Variants in SAMD5 observed in about 807,000 individuals in gnomAD.
SAMD5 encodes sterile alpha motif domain containing 5, also known as sterile alpha motif domain-containing protein 5.
In SAMD5, 13 loss-of-function variants were observed where a neutral mutation model predicts 11.3. The observed-to-expected ratio is 1.15, with a 90% CI of 0.75 to 1.83. The LOEUF (loss-of-function observed/expected upper bound fraction) is 1.83. Among genes scored for constraint, SAMD5 ranks in the 40% most tolerant of loss-of-function variants. The pLI is 0.00. For synonymous variants in SAMD5, 129 were observed against 111.3 expected, an observed-to-expected ratio of 1.16 and a Z score of -1.00; for missense variants, 255 against 239.1, an observed-to-expected ratio of 1.07 and a Z score of -0.44.
At chr6:147,930,493 A>C in the SAMD5 span, among the ~76,000 whole-genome samples, 1 of 152,288 alleles carries the variant, frequency 6.6e-6, no homozygotes, top group East Asian at 1.9e-4. Context: ...TATATAAAGA[A>C]AGGGAATTTA....
the SAMD5 span, among the ~76,000 whole-genome samples, chr6:147,905,369 A>C: frequency 6.6e-6 from 1 of 150,624 alleles, no homozygotes; most frequent in Non-Finnish European, 1.5e-5. Flanking sequence ...TATAGTAGAA[A>C]CAGGATTTGC....
chr6:147,795,232 C>G, the SAMD5 span, among the ~76,000 whole-genome samples: 7 of 125,976 alleles, frequency 5.6e-5, no homozygotes, highest in Non-Finnish European at 9.7e-5. Context: ...CACCCCACAA[C>G]AGTCCCCAGA....
chr6:147,904,526 T>C, the SAMD5 span, among the ~76,000 whole-genome samples: 1 of 152,178 alleles, frequency 6.6e-6, no homozygotes. Flanking sequence ...ACCATTACAG[T>C]GTGGGTCTGT....
At chr6:147,621,847 G>A (rs918605764) in intron 1 of SAMD5, among the ~76,000 whole-genome samples, 2 of 151,490 alleles carry the variant, frequency 1.3e-5, no homozygotes, top group South Asian at 4.2e-4. Context: ...ATTGAGCTTG[G>A]AACCAACTGG....
At chr6:147,909,928 G>A in the SAMD5 span, among the ~76,000 whole-genome samples, 1 of 152,050 alleles carries the variant, frequency 6.6e-6, no homozygotes, top group African/African-American at 2.4e-5. Context: ...TGTTCGTGTG[G>A]ACCCGGAGCA....
the SAMD5 span, among the ~76,000 whole-genome samples, chr6:147,890,203 T>C: frequency 4.4e-4 from 67 of 151,866 alleles, 1 homozygote; most frequent in Middle Eastern, 0.01. Flanking sequence ...CTATTAAAAA[T>C]AAACAAAACA....
At chr6:147,551,485 AC>A (rs141232792) in intron 1 of SAMD5, among the ~76,000 whole-genome samples, 1,643 of 152,260 alleles carry the variant, frequency 0.011, 31 homozygotes, top group African/African-American at 0.037. Context: ...CTAAGCACTT[AC>A]CATGCGAGTG....
chr6:147,916,954 CATT>C, the SAMD5 span, among the ~76,000 whole-genome samples: 4 of 149,506 alleles, frequency 2.7e-5, no homozygotes, highest in South Asian at 8.6e-4. Flanking sequence ...TCTAGTCTAT[CATT>C]GTTGGACATT....
intron 1 of SAMD5, among the ~76,000 whole-genome samples, chr6:147,521,668 C>A (rs1009102967): frequency 1.3e-5 from 2 of 151,932 alleles, no homozygotes; most frequent in African/African-American, 4.8e-5. Flanking sequence ...TGTAAAGGGC[C>A]TCATATAATG....
chr6:147,858,456 G>A, the SAMD5 span, among the ~76,000 whole-genome samples: 3 of 152,176 alleles, frequency 2.0e-5, no homozygotes, highest in African/African-American at 7.2e-5. Flanking sequence ...TAGGGCCACT[G>A]GAGGCACCTG....
chr6:147,689,114 A>T (rs1791062973), intron 1 of SAMD5, among the ~76,000 whole-genome samples: 1 of 152,148 alleles, frequency 6.6e-6, no homozygotes, highest in Non-Finnish European at 1.5e-5. Flanking sequence ...AGTAGAGTTT[A>T]TTGAAAGTCC....
At chr6:147,927,665 C>T in the SAMD5 span, among the ~76,000 whole-genome samples, 1 of 152,168 alleles carries the variant, frequency 6.6e-6, no homozygotes, top group Non-Finnish European at 1.5e-5. Flanking sequence ...ATTTCTTTCT[C>T]TTTCCTGATT....
the SAMD5 span, among the ~76,000 whole-genome samples, chr6:147,835,238 A>C: frequency 2.0e-5 from 3 of 150,568 alleles, no homozygotes; most frequent in Non-Finnish European, 4.4e-5. Flanking sequence ...ATCTTAAAAA[A>C]AAAAAAAACA....
At chr6:147,869,842 T>C in the SAMD5 span, among the ~76,000 whole-genome samples, 1 of 151,928 alleles carries the variant, frequency 6.6e-6, no homozygotes, top group Non-Finnish European at 1.5e-5. Context: ...GGACCACAGG[T>C]GCTCACCACT....
chr6:147,698,663 A>G (rs1791212660), intron 1 of SAMD5, among the ~76,000 whole-genome samples: 1 of 152,222 alleles, frequency 6.6e-6, no homozygotes, highest in African/African-American at 2.4e-5. Context: ...TCCCCAGCAG[A>G]CAGGCTAGAA....
intron 1 of SAMD5, among the ~76,000 whole-genome samples, chr6:147,673,259 GCA>G (rs1207495774): frequency 2.3e-4 from 35 of 151,824 alleles, no homozygotes; most frequent in Non-Finnish European, 4.4e-4. Context: ...TGTTGCCCAG[GCA>G]GGAGTGCAGT....
intron 1 of SAMD5, among the ~76,000 whole-genome samples, chr6:147,558,974 G>A (rs1788902447): frequency 6.6e-6 from 1 of 151,958 alleles, no homozygotes; most frequent in Non-Finnish European, 1.5e-5. Context: ...CTCCTTAATC[G>A]TTCTATTAAA....
chr6:147,777,118 A>G, the SAMD5 span, among the ~76,000 whole-genome samples: 3 of 152,174 alleles, frequency 2.0e-5, no homozygotes, highest in African/African-American at 2.4e-5. Flanking sequence ...TGTTAGGCCC[A>G]GTAAAAAATG....
intron 1 of SAMD5, among the ~76,000 whole-genome samples, chr6:147,534,164 C>T (rs868736047): frequency 2.0e-5 from 3 of 152,248 alleles, no homozygotes; most frequent in Middle Eastern, 3.4e-3. Context: ...CCCTGTGATG[C>T]CATTAGCTAG....
Sources: gnomAD v4.1 joint callset for allele counts (sites outside exome capture counted in the v4.1 genomes callset) on GRCh38, gnomAD v4.1.1 for gene constraint, MANE v1.5 for transcripts, NCBI Gene and HGNC (gene_info 2026-07-23, HGNC 2026-07-21) for gene names.